Variants in RPRD2 observed in about 807,000 individuals in gnomAD.
The protein encoded by RPRD2 is regulation of nuclear pre-mRNA domain containing 2.
Under a neutral mutation model 104.4 loss-of-function variants are expected in RPRD2, and 12 were observed. The ratio of observed to expected loss-of-function variants is 0.11; its 90% confidence interval spans 0.07 to 0.19. The LOEUF is 0.19. RPRD2 is among the 10% of genes least tolerant of loss of function. The pLI is 1.00. For missense variants in RPRD2, 1,543 were observed against 1,790.1 expected, an observed-to-expected ratio of 0.86 and a Z score of 2.49; for synonymous variants, 714 against 684.9, an observed-to-expected ratio of 1.04 and a Z score of -0.66.
chr1:150,417,561 AT>A, intron 1 of RPRD2, 34 bp from the exon 2 acceptor site: 1 of 1,466,478 alleles, frequency 6.8e-7, no homozygotes, highest in Non-Finnish European at 9.1e-7. Flanking sequence ...AAATTGACTC[AT>A]TTGGTTTTAT....
chr1:150,369,911 G>C (rs1419175967), intron 1 of RPRD2, among the ~76,000 whole-genome samples: 2 of 151,956 alleles, frequency 1.3e-5, no homozygotes, highest in African/African-American at 2.4e-5. Context: ...TTCCTGAGTA[G>C]CTGGGATTAC....
At chr1:150,458,765 G>A (rs782216081) in intron 8 of RPRD2, among the ~76,000 whole-genome samples, 29 of 152,024 alleles carry the variant, frequency 1.9e-4, no homozygotes, top group Non-Finnish European at 3.5e-4. Flanking sequence ...TCAGCCTCCC[G>A]AGTAGCTAGG....
Position 150,472,771 on chromosome 1 carries a change from C to A in RPRD2, c.3823C>A (p.Pro1275Thr), listed in dbSNP as rs747479817. ...IPFPTPPPPP[P>T]PGEHSSSGGS... ...TTTCCCTACCCCACCTCCTCCTCCCCCTCCTGGGGAACATAGCAGCAGTGG... is the reference window on the plus strand; with the variant it reads ...TTTCCCTACCCCACCTCCTCCTCCCACTCCTGGGGAACATAGCAGCAGTGG... Residue 1275 changes from proline to threonine, a missense_variant, in exon 11 of 11, where the codon CCT becomes ACT. Pro to Thr is a conservative substitution (Grantham distance 38). Around this residue, in one of 4 missense-constraint regions of RPRD2, gnomAD observed 880 missense variants for 885.6 expected, o/e 0.99. Transcript: ENST00000369068. 7.4e-6 allele frequency: 12 copies of A among 1,611,374 alleles called. No homozygotes were observed. Among genetic ancestry groups the A allele is most frequent in the African/African-American group, 4.0e-5 (3 of 74,886 alleles).
At chr1:150,366,012 T>G (rs940140982) in intron 1 of RPRD2, among the ~76,000 whole-genome samples, 2 of 152,260 alleles carry the variant, frequency 1.3e-5, no homozygotes, top group African/African-American at 4.8e-5. Context: ...ATGTTTTTTT[T>G]GTCTTTATCC....
At chr1:150,396,061 T>G (rs180978106) in intron 1 of RPRD2, among the ~76,000 whole-genome samples, 23 of 152,306 alleles carry the variant, frequency 1.5e-4, no homozygotes, top group African/African-American at 5.5e-4. Flanking sequence ...GGTATCACAT[T>G]GTGGTTTTGA....
rs1355400944 is a variant in RPRD2, at chr1:150,364,447, T to A, written c.-268T>A. Among the ~76,000 whole-genome samples, 1 of 151,932 alleles carries A rather than the reference T, an allele frequency of 6.6e-6. No homozygotes were observed. The highest frequency in any genetic ancestry group is 1.5e-5 in the Non-Finnish European group (1 of 67,968). On this transcript the variant is annotated 5_prime_UTR_variant, in exon 1 of 11. Coordinates refer to ENST00000369068, the MANE Select transcript of RPRD2 (RefSeq NM_015203.5). The stretch of plus-strand genomic sequence containing the variant: ...GCGTAATTTTTCCGTGATTACTGAC[T>A]GGTTTAAACACGACCCCTTGAACAA...
intron 1 of RPRD2, among the ~76,000 whole-genome samples, chr1:150,375,495 G>C (rs1173733468): frequency 6.6e-6 from 1 of 152,202 alleles, no homozygotes; most frequent in Non-Finnish European, 1.5e-5. Context: ...TGTCTGTAGA[G>C]GAGGGACGAG....
intron 1 of RPRD2, among the ~76,000 whole-genome samples, chr1:150,376,781 T>G (rs1329453261): frequency 2.7e-5 from 4 of 150,614 alleles, no homozygotes; most frequent in Non-Finnish European, 5.9e-5. Flanking sequence ...ATTACAGGCG[T>G]GAGCCACCGC....
intron 2 of RPRD2, among the ~76,000 whole-genome samples, chr1:150,436,788 C>A (rs782353216): frequency 2.0e-5 from 3 of 151,732 alleles, no homozygotes; most frequent in Non-Finnish European, 4.4e-5. Context: ...GCCTGTAATA[C>A]CAGCCACTCA....
chr1:150,406,409 T>C (rs1316320683), intron 1 of RPRD2, among the ~76,000 whole-genome samples: 2 of 152,154 alleles, frequency 1.3e-5, no homozygotes, highest in South Asian at 2.1e-4. Context: ...TACTTACAGG[T>C]AAAAAAATTT....
chr1:150,438,867 A>T (rs1553893754), intron 2 of RPRD2, among the ~76,000 whole-genome samples: 3 of 151,266 alleles, frequency 2.0e-5, no homozygotes, highest in Non-Finnish European at 2.9e-5. Flanking sequence ...ACGGAGTCTC[A>T]CTCTGTCTCC....
chr1:150,467,906 C>A (rs1668381186), intron 10 of RPRD2, among the ~76,000 whole-genome samples: 1 of 151,888 alleles, frequency 6.6e-6, no homozygotes, highest in Non-Finnish European at 1.5e-5. Context: ...TGGGTCACAC[C>A]TGTAATTCCA....
intron 2 of RPRD2, among the ~76,000 whole-genome samples, chr1:150,433,695 C>T (rs1287955541): frequency 2.3e-5 from 3 of 132,436 alleles, no homozygotes; most frequent in Admixed American, 2.2e-4. Flanking sequence ...CCGCCCGCCT[C>T]GGCCTCCCAA....
At position 150,472,587 on chromosome 1, in the gene RPRD2, A is replaced by G; in HGVS notation, c.3639A>G (p.Ser1213=). The G allele has an allele frequency of 2.5e-6, 4 of 1,613,688 alleles. No homozygotes were observed. The highest frequency in any genetic ancestry group is 3.4e-6 in the Non-Finnish European group (4 of 1,179,652). ...TPFQREPVGP[S]SAPPVPPKDH... is the part of the protein sequence containing the mutation. ...TCCAGAGAGAGCCAGTGGGGCCATCATCTGCCCCACCTGTCCCTCCTAAGG... is the reference window on the plus strand; with the variant it reads ...TCCAGAGAGAGCCAGTGGGGCCATCGTCTGCCCCACCTGTCCCTCCTAAGG... The change falls in exon 11 of 11, where the codon TCA becomes TCG. Residue 1213 remains serine (S), a synonymous_variant. Transcript: ENST00000369068.
rs373096968 is a variant in RPRD2, at chr1:150,450,873, G to A, written c.870+4472G>A. Among the ~76,000 whole-genome samples the A allele has an allele frequency of 2.6e-4, 39 of 151,988 alleles. 1 individual carries two copies. In the East Asian group the frequency reaches 4.7e-3, roughly 18 times the overall value. On this transcript the variant is annotated intron_variant, in intron 7 of 10. Transcript: ENST00000369068. ...TGATCCACCTGCCTCGGCCTCTTAA[G>A]GTGCTGGGATTACAGGCGTGAGCCA...
rs201384733 is a variant in RPRD2 at position 150,472,479 on chromosome 1, T to A, written c.3531T>A (p.Ser1177Arg). 3.7e-6 allele frequency: 6 copies of A among 1,613,760 alleles called. No individual in the cohort carries two copies. Among genetic ancestry groups the A allele is most frequent in the Non-Finnish European group, 5.1e-6 (6 of 1,179,844 alleles). The change falls in exon 11 of 11, where the codon AGT becomes AGA. Residue 1177 changes from serine (S) to arginine (R), a missense_variant. Ser to Arg is a moderately radical substitution (Grantham distance 110). Around this residue, in one of 4 missense-constraint regions of RPRD2, gnomAD observed 880 missense variants for 885.6 expected, o/e 0.99. Coordinates refer to ENST00000369068, the MANE Select transcript of RPRD2 (RefSeq NM_015203.5). ...YKERAPQFQE[S>R]VGSFRSNSFN... ...AACGGGCACCTCAATTTCAGGAGAG[T>A]GTCGGCAGCTTTCGTTCCAACAGTT...
rs374924497 is a variant in RPRD2 at position 150,378,348 on chromosome 1, A to G, written c.205+13429A>G. On this transcript the variant is annotated intron_variant, in intron 1 of 10. Coordinates refer to ENST00000369068, the MANE Select transcript of RPRD2 (RefSeq NM_015203.5). ...AAGTACTTGAGGGCTCAGTGAGGTT[A>G]AAATAACTTGTTCAAGGTACACAAC... 2.3e-4 allele frequency among the ~76,000 whole-genome samples: 35 copies of G among 152,320 alleles called. No individual in the cohort carries two copies. The East Asian group carries it at 5.6e-3, about 24-fold the overall frequency.
At chr1:150,385,402 A>ATTCCT (rs1661491578) in intron 1 of RPRD2, among the ~76,000 whole-genome samples, 1 of 152,188 alleles carries the variant, frequency 6.6e-6, no homozygotes, top group African/African-American at 2.4e-5. Context: ...TGAACCCAGG[A>ATTCCT]GGTCAAGGCT....
intron 1 of RPRD2, among the ~76,000 whole-genome samples, chr1:150,412,533 A>G (rs1033416386): frequency 6.6e-6 from 1 of 152,210 alleles, no homozygotes; most frequent in African/African-American, 2.4e-5. Flanking sequence ...AATTCTGACT[A>G]AAAGAGAAAA....
Sources: gnomAD v4.1 joint callset for allele counts (sites outside exome capture counted in the v4.1 genomes callset) on GRCh38, gnomAD v4.1.1 for gene constraint, gnomAD v4.1.1 regional missense constraint, MANE v1.5 for transcripts, NCBI Gene and HGNC (gene_info 2026-07-23, HGNC 2026-07-21) for gene names.